Variants in FAM13C observed in about 807,000 individuals in gnomAD.
FAM13C encodes the protein family with sequence similarity 13 member C.
A neutral mutation model predicts 73.2 loss-of-function variants in FAM13C; 37 were observed. That is an observed-to-expected ratio of 0.51 (90% CI 0.39 to 0.67). The LOEUF is 0.67. Among genes scored for constraint, FAM13C ranks in the 30% least tolerant of loss-of-function variants. FAM13C has a pLI of 0.00. For synonymous variants in FAM13C, 246 were observed against 260.9 expected (o/e 0.94, Z 0.55); for missense variants, 589 against 715.6 (o/e 0.82, Z 2.02).
intron 6 of FAM13C, among the ~76,000 whole-genome samples, chr10:59,279,888 G>A (rs995076437): frequency 5.9e-5 from 9 of 152,166 alleles, no homozygotes; most frequent in Admixed American, 5.2e-4. Flanking sequence ...CTGGAGGCTA[G>A]AAGTTCAAGA....
intron 3 of FAM13C, among the ~76,000 whole-genome samples, chr10:59,339,506 G>T (rs1853204421): frequency 6.6e-6 from 1 of 152,130 alleles, no homozygotes. Context: ...CAAACCTCCT[G>T]TCTAGCTTCC....
intron 4 of FAM13C, among the ~76,000 whole-genome samples, chr10:59,322,405 C>T (rs1466937329): frequency 6.6e-6 from 1 of 152,062 alleles, no homozygotes; most frequent in African/African-American, 2.4e-5. Flanking sequence ...TCAGAAAGCT[C>T]AATTCTGTGA....
chr10:59,353,971 T>C (rs1370364697), intron 2 of FAM13C, among the ~76,000 whole-genome samples: 2 of 152,202 alleles, frequency 1.3e-5, no homozygotes, highest in Admixed American at 6.5e-5. Context: ...AAACCATGAA[T>C]TGGAAACTAT....
chr10:59,351,067 G>A (rs923868223), intron 3 of FAM13C, among the ~76,000 whole-genome samples: 2 of 152,158 alleles, frequency 1.3e-5, no homozygotes, highest in Non-Finnish European at 2.9e-5. Context: ...GCCAGGCGTG[G>A]TGGCTCACTT....
chr10:59,264,845 A>G (rs1449336457), intron 8 of FAM13C, among the ~76,000 whole-genome samples: 2 of 152,168 alleles, frequency 1.3e-5, no homozygotes, highest in Non-Finnish European at 2.9e-5. Context: ...TAAACAAGTC[A>G]AGGCTACCAT....
chr10:59,336,436 A>G (rs777464062), intron 3 of FAM13C, among the ~76,000 whole-genome samples: 12 of 152,148 alleles, frequency 7.9e-5, no homozygotes, highest in South Asian at 2.1e-4. Context: ...AATGGGCACC[A>G]CCACTATGAC....
At chr10:59,334,231 T>C (rs538701588) in intron 3 of FAM13C, among the ~76,000 whole-genome samples, 15 of 152,322 alleles carry the variant, frequency 9.8e-5, no homozygotes, top group African/African-American at 3.4e-4. Flanking sequence ...TGGAATATTA[T>C]GTATGGTGCT....
At chr10:59,331,596 C>T (rs754274256) in intron 3 of FAM13C, among the ~76,000 whole-genome samples, 4 of 152,036 alleles carry the variant, frequency 2.6e-5, no homozygotes, top group East Asian at 1.9e-4. Flanking sequence ...TTCAGATTTG[C>T]ACTGGAATAA....
At chr10:59,270,949 C>T (rs1486146844) in intron 6 of FAM13C, among the ~76,000 whole-genome samples, 1 of 152,146 alleles carries the variant, frequency 6.6e-6, no homozygotes, top group Non-Finnish European at 1.5e-5. Flanking sequence ...AAGTTAGTTC[C>T]CCACCTCACG....
intron 5 of FAM13C, among the ~76,000 whole-genome samples, chr10:59,291,869 A>G (rs916914228): frequency 6.7e-4 from 96 of 142,856 alleles, no homozygotes; most frequent in African/African-American, 2.3e-3. Flanking sequence ...GCTCACTGCA[A>G]GCTCCACCTC....
intron 3 of FAM13C, among the ~76,000 whole-genome samples, chr10:59,339,461 G>A (rs1299000348): frequency 6.6e-6 from 1 of 152,124 alleles, no homozygotes; most frequent in Non-Finnish European, 1.5e-5. Flanking sequence ...AAACTCATTA[G>A]GATGGAATCC....
intron 11 of FAM13C, among the ~76,000 whole-genome samples, chr10:59,253,545 C>T (rs1483441106): frequency 1.3e-5 from 2 of 152,158 alleles, no homozygotes; most frequent in East Asian, 3.9e-4. Flanking sequence ...ATTCTTATCA[C>T]AACTAGAAGA....
chr10:59,264,280 G>A, intron 8 of FAM13C, 114 bp from the exon 9 acceptor site: 2 of 695,242 alleles, frequency 2.9e-6, no homozygotes, highest in Non-Finnish European at 2.5e-6. Flanking sequence ...CACAAAGATA[G>A]TTTAGGAATA....
intron 3 of FAM13C, among the ~76,000 whole-genome samples, chr10:59,335,482 A>G (rs1852597732): frequency 6.6e-6 from 1 of 152,298 alleles, no homozygotes; most frequent in African/African-American, 2.4e-5. Context: ...TGGCCAATAG[A>G]TACCCCATGT....
At chr10:59,291,936 C>T (rs890443196) in intron 5 of FAM13C, among the ~76,000 whole-genome samples, 1 of 151,798 alleles carries the variant, frequency 6.6e-6, no homozygotes, top group Non-Finnish European at 1.5e-5. Context: ...CTACAGGCGC[C>T]CACCATCACG....
At chr10:59,331,713 C>T (rs1481683398) in intron 3 of FAM13C, among the ~76,000 whole-genome samples, 1 of 152,020 alleles carries the variant, frequency 6.6e-6, no homozygotes, top group Non-Finnish European at 1.5e-5. Context: ...ATGACTGTCA[C>T]TTGGATGACA....
Position 59,247,460 on chromosome 10 carries a change from ATAAT to A in FAM13C, c.*150_*153del, listed in dbSNP as rs1840814129. On this transcript the variant is annotated 3_prime_UTR_variant, in exon 14 of 14. Coordinates refer to ENST00000618804, the MANE Select transcript of FAM13C (RefSeq NM_198215.4). Reference sequence around the variant, plus strand: ...CCGTTTAAATCCCTTCTCCTTGTATATAATTAAACTTGCTATTCCTTCTTAAAAA... The same window carrying A: ...CCGTTTAAATCCCTTCTCCTTGTATATAAACTTGCTATTCCTTCTTAAAAA... 2 of 869,976 alleles carry A rather than the reference ATAAT, an allele frequency of 2.3e-6. No homozygotes were observed. The highest frequency in any genetic ancestry group is 1.8e-6 in the Non-Finnish European group (1 of 553,770). 53.9% of individuals were successfully genotyped at this position (869,976 alleles called of 1,614,324 possible). A position where few individuals can be genotyped will look rare whatever the true frequency, so the allele number is the denominator to read the frequency against.
At chr10:59,317,887 C>T (rs1849730864) in intron 4 of FAM13C, among the ~76,000 whole-genome samples, 1 of 151,918 alleles carries the variant, frequency 6.6e-6, no homozygotes, top group South Asian at 2.1e-4. Context: ...AATGCTATCC[C>T]TCCCCCCTTC....
chr10:59,278,470 A>T (rs562622581), intron 6 of FAM13C, among the ~76,000 whole-genome samples: 14 of 152,310 alleles, frequency 9.2e-5, no homozygotes, highest in Middle Eastern at 3.4e-3. Context: ...AAGGTTTCTG[A>T]ACCTCAGCAC....
Sources: allele counts gnomAD v4.1 joint callset (sites outside exome capture counted in the v4.1 genomes callset), GRCh38; gene constraint gnomAD v4.1.1; transcripts MANE v1.5; gene names NCBI Gene and HGNC (gene_info 2026-07-23, HGNC 2026-07-21).